DMD: variants seen among roughly 807,000 people sequenced by gnomAD.
DMD encodes mutant dystrophin.
In DMD, 63 loss-of-function variants were observed where a neutral mutation model predicts 330.1. That is an observed-to-expected ratio of 0.19 (90% CI 0.16 to 0.24). The LOEUF is 0.24. Ranked by LOEUF, DMD falls within the 10% of genes least tolerant of loss-of-function variation. The probability of loss-of-function intolerance (pLI) is 1.00; values close to 1 mark genes in which losing one functional copy is unlikely to be tolerated. For synonymous variants in DMD, 1,223 were observed against 959.8 expected, an observed-to-expected ratio of 1.27 and a Z score of -5.07; for missense variants, 3,344 against 2,684.1, an observed-to-expected ratio of 1.25 and a Z score of -5.43.
intron 1 of DMD, among the ~76,000 whole-genome samples, chrX:33,087,301 A>C (rs1262639076): frequency 8.9e-6 from 1 of 112,561 alleles, no homozygotes. Flanking sequence ...AAAAGCAATA[A>C]AATTATTAAC....
intron 15 of DMD, among the ~76,000 whole-genome samples, chrX:32,568,490 G>C (rs979303249): frequency 1.0e-5 from 1 of 99,306 alleles, no homozygotes; most frequent in African/African-American, 3.9e-5. Flanking sequence ...CTGGGCAACA[G>C]AGCAAGACTC....
chrX:31,697,332 T>G (rs1216235615), intron 52 of DMD, among the ~76,000 whole-genome samples: 3 of 112,185 alleles, frequency 2.7e-5, no homozygotes. Flanking sequence ...AATCTGTGCA[T>G]GTTTGTAATT....
chrX:32,829,052 A>G (rs755743001), intron 4 of DMD, among the ~76,000 whole-genome samples: 13 of 111,692 alleles, frequency 1.2e-4, no homozygotes, highest in Non-Finnish European at 1.7e-4. Context: ...AAATGTGATT[A>G]TATTTCTTAT....
chrX:33,251,584 G>A (rs146606228), intron 1 of DMD, among the ~76,000 whole-genome samples: 1,240 of 111,890 alleles, frequency 0.011, 20 homozygotes, highest in African/African-American at 0.038. Context: ...CTTTTTTCCC[G>A]AGCTACATTT....
rs201691420 is a variant in DMD, at chrX:31,444,591, C to T, written c.8974G>A (p.Val2992Met). ...RGEIAPLKEN[V>M]SHVNDLARQL... ...CGAGCAAGGTCATTGACGTGGCTCA[C>T]GTTCTCTTTCAGAGGCGCAATTTCT... Residue 2992 changes from valine to methionine, a missense_variant, in exon 60 of 79, where the codon GTG becomes ATG. Transcript: ENST00000357033. 165 of 1,209,728 alleles carry T rather than the reference C, an allele frequency of 1.4e-4. No homozygotes were observed. Among genetic ancestry groups the T allele is most frequent in the Middle Eastern group, 4.6e-4 (2 of 4,352 alleles).
At chrX:32,837,900 C>A (rs1189687183) in intron 4 of DMD, among the ~76,000 whole-genome samples, 1 of 111,717 alleles carries the variant, frequency 9.0e-6, no homozygotes, top group East Asian at 2.8e-4. Flanking sequence ...GTTAATGTAA[C>A]TGAAATTTTT....
chrX:31,954,170 C>T (rs1054098364), intron 45 of DMD, among the ~76,000 whole-genome samples: 1 of 111,403 alleles, frequency 9.0e-6, no homozygotes, highest in Non-Finnish European at 1.9e-5. Context: ...AAGAGTTACA[C>T]CAACAGAGAA....
At chrX:32,521,817 G>A (rs762539591) in intron 17 of DMD, among the ~76,000 whole-genome samples, 1 of 111,989 alleles carries the variant, frequency 8.9e-6, no homozygotes, top group Non-Finnish European at 1.9e-5. Flanking sequence ...ACAAAAGTTC[G>A]TATGTTGAAG....
At chrX:31,341,237 T>C (rs2057710310) in intron 61 of DMD, among the ~76,000 whole-genome samples, 1 of 112,302 alleles carries the variant, frequency 8.9e-6, no homozygotes, top group Non-Finnish European at 1.9e-5. Context: ...AACTGTTTGA[T>C]CTTCACTGTA....
At position 32,695,619 on chromosome X, in the gene DMD, T is replaced by G. The variant is rs747080870; in HGVS notation, c.960+2251A>C. ...ATACTAGGTTTGAGATATTAGTGGA[T>G]ATCAAGGTATAGATACATACAAAGA... On this transcript the variant is annotated intron_variant, in intron 9 of 78. Transcript: ENST00000357033. Among the ~76,000 whole-genome samples, 3 of 111,313 alleles carry G rather than the reference T, an allele frequency of 2.7e-5. No homozygotes were observed. In the South Asian group the frequency reaches 1.1e-3, roughly 42 times the overall value.
intron 1 of DMD, among the ~76,000 whole-genome samples, chrX:33,184,287 T>C (rs2050141517): frequency 8.9e-6 from 1 of 112,409 alleles, no homozygotes; most frequent in Non-Finnish European, 1.9e-5. Context: ...TGCACACATT[T>C]ACGGTATCCT....
At chrX:32,252,887 TA>T (rs1172969728) in intron 43 of DMD, among the ~76,000 whole-genome samples, 21 of 78,493 alleles carry the variant, frequency 2.7e-4, no homozygotes, top group African/African-American at 1.1e-3. Flanking sequence ...AAAATATATA[TA>T]AATATATATA....
At chrX:32,935,528 G>C (rs898162488) in intron 2 of DMD, among the ~76,000 whole-genome samples, 1 of 111,690 alleles carries the variant, frequency 9.0e-6, no homozygotes, top group Admixed American at 9.5e-5. Flanking sequence ...AATATTCCAT[G>C]GTATGACCAT....
At chrX:31,598,822 T>C (rs775588205) in intron 55 of DMD, among the ~76,000 whole-genome samples, 1 of 111,892 alleles carries the variant, frequency 8.9e-6, no homozygotes, top group Non-Finnish European at 1.9e-5. Flanking sequence ...CTTTTAGAAA[T>C]AGGATTGAAC....
At chrX:32,147,547 T>A (rs2096783647) in intron 44 of DMD, among the ~76,000 whole-genome samples, 2 of 111,906 alleles carry the variant, frequency 1.8e-5, no homozygotes, top group Admixed American at 1.9e-4. Flanking sequence ...ATTTGACAAA[T>A]ACACTGACTT....
chrX:32,802,714 C>A (rs1187878329), intron 7 of DMD, among the ~76,000 whole-genome samples: 1 of 111,872 alleles, frequency 8.9e-6, no homozygotes, highest in East Asian at 2.8e-4. Context: ...GCCTTTTCTG[C>A]ATCTATTGAG....
chrX:32,428,843 C>A (rs1031153402), intron 29 of DMD, among the ~76,000 whole-genome samples: 7 of 111,588 alleles, frequency 6.3e-5, no homozygotes, highest in African/African-American at 2.0e-4. Context: ...AACTCCTGAC[C>A]TCAGGTGAGC....
At chrX:31,244,769 T>C (rs2048674316) in intron 63 of DMD, among the ~76,000 whole-genome samples, 1 of 111,984 alleles carries the variant, frequency 8.9e-6, no homozygotes, top group Non-Finnish European at 1.9e-5. Context: ...ATAGTGGCTA[T>C]TTCTGGGTAC....
intron 43 of DMD, among the ~76,000 whole-genome samples, chrX:32,280,414 C>G (rs947330685): frequency 1.7e-4 from 19 of 109,776 alleles, no homozygotes; most frequent in Non-Finnish European, 3.0e-4. Flanking sequence ...TTTTTTACCC[C>G]TTACTTCCTA....
Sources: gnomAD v4.1 joint callset for allele counts (sites outside exome capture counted in the v4.1 genomes callset) on GRCh38, gnomAD v4.1.1 for gene constraint, MANE v1.5 for transcripts, NCBI Gene and HGNC (gene_info 2026-07-23, HGNC 2026-07-21) for gene names.